The following ATG14 variants were observed in gnomAD, a reference collection of about 807,000 sequenced individuals.
The protein encoded by ATG14 is beclin 1-associated autophagy-related key regulator.
Under a neutral mutation model 60.4 loss-of-function variants are expected in ATG14, and 35 were observed. The observed-to-expected ratio is 0.58, with a 90% CI of 0.44 to 0.77. ATG14 has a LOEUF of 0.77. Ranked by LOEUF, ATG14 falls within the 30% of genes least tolerant of loss-of-function variation. ATG14 has a pLI of 0.00. For missense variants in ATG14, 647 were observed against 626.3 expected, an observed-to-expected ratio of 1.03 and a Z score of -0.35; for synonymous variants, 234 against 228.8, an observed-to-expected ratio of 1.02 and a Z score of -0.21.
At chr14:55,408,011 G>A (rs1247169018) in intron 1 of ATG14, among the ~76,000 whole-genome samples, 3 of 152,136 alleles carry the variant, frequency 2.0e-5, no homozygotes, top group Non-Finnish European at 2.9e-5. Flanking sequence ...TGAAAAAGAG[G>A]GAGCACAAGG....
In ATG14 at chr14:55,394,522, GC is replaced by G. The variant is rs1250608551; in HGVS notation, c.327+1417del. Among the ~76,000 whole-genome samples, 3 of 152,220 alleles carry G rather than the reference GC, an allele frequency of 2.0e-5. No individual in the cohort carries two copies. The East Asian group carries it at 5.8e-4, about 29-fold the overall frequency. On this transcript the variant is annotated intron_variant, in intron 3 of 9. Coordinates refer to ENST00000247178, the MANE Select transcript of ATG14 (RefSeq NM_014924.5). ...TACCACTATCTTCACACATTGATAA[GC>G]TGTTACGCATGTCCCACCAATTCAC...
intron 3 of ATG14, among the ~76,000 whole-genome samples, chr14:55,393,109 C>T (rs147773101): frequency 0.014 from 2,098 of 152,248 alleles, 24 homozygotes; most frequent in Middle Eastern, 0.031. Flanking sequence ...TGACTGGGCG[C>T]GGTGGCTCAC....
intron 9 of ATG14, among the ~76,000 whole-genome samples, 163 bp downstream of exon 9, chr14:55,377,656 G>A (rs1293454937): frequency 6.6e-6 from 1 of 152,086 alleles, no homozygotes; most frequent in African/African-American, 2.4e-5. Context: ...ACCCATAAAA[G>A]TTCAAATATA....
At chr14:55,402,129 A>T (rs1248111366) in intron 1 of ATG14, among the ~76,000 whole-genome samples, 4 of 152,142 alleles carry the variant, frequency 2.6e-5, no homozygotes, top group Non-Finnish European at 5.9e-5. Context: ...CAGACTATTA[A>T]TTCTGTGCTA....
rs1239124788 is a variant in ATG14 at position 55,369,480 on chromosome 14, G to C, written c.*139C>G. On this transcript the variant is annotated 3_prime_UTR_variant, in exon 10 of 10. Transcript: ENST00000247178. ...GGCAAATAGAAATGTTTGTCTCCCT[G>C]CTTAAAAAGACAAAACAAAACAACA... 1.2e-6 allele frequency: 1 copy of C among 836,184 alleles called. No homozygotes were observed. Among genetic ancestry groups the C allele is most frequent in the Non-Finnish European group, 1.7e-6 (1 of 579,016 alleles). 51.8% of individuals were successfully genotyped at this position (836,184 alleles called of 1,614,324 possible). A position where few individuals can be genotyped will look rare whatever the true frequency, so the allele number is the denominator to read the frequency against.
chr14:55,382,178 C>G lies in ATG14; in HGVS notation c.661G>C (p.Val221Leu). 6.2e-7 allele frequency: 1 copy of G among 1,614,170 alleles called. No homozygotes were observed. Among genetic ancestry groups the G allele is most frequent in the Non-Finnish European group, 8.5e-7 (1 of 1,180,012 alleles). ...VKTGVRDPAD[V>L]SSESDSAMTS... ...ATGGCACTGTCACTCTCTGAAGACACATCTGCGGGGTCTCTACAAGTAGGA... is the reference window on the plus strand; with the variant it reads ...ATGGCACTGTCACTCTCTGAAGACAGATCTGCGGGGTCTCTACAAGTAGGA... The change falls in exon 6 of 10, where the codon GTG becomes CTG. Residue 221 changes from valine to leucine, a missense_variant. Val to Leu is a conservative substitution (Grantham distance 32, BLOSUM62 1). Coordinates refer to ENST00000247178, the MANE Select transcript of ATG14 (RefSeq NM_014924.5).
chr14:55,385,892 A>G lies in ATG14; in HGVS notation c.614T>C (p.Ile205Thr). The G allele has an allele frequency of 6.2e-7, 1 of 1,612,448 alleles. No individual in the cohort carries two copies. The highest frequency in any genetic ancestry group is 8.5e-7 in the Non-Finnish European group (1 of 1,178,942). Residue 205 changes from isoleucine (I) to threonine (T), a missense_variant, in exon 5 of 10, where the codon ATT (isoleucine) becomes ACT (threonine). Transcript: ENST00000247178. ...RSHILELTSV[I>T]FPIEEVKTGV... Reference sequence around the variant, plus strand: ...CGTCTTTACTTCCTCGATTGGAAAAATGACAGAGGTGAGCTCTAATATATG... The same window carrying G: ...CGTCTTTACTTCCTCGATTGGAAAAGTGACAGAGGTGAGCTCTAATATATG...
chr14:55,382,249 A>G lies in ATG14; in HGVS notation c.648-58T>C, dbSNP rs1284093677. 4.7e-6 allele frequency: 7 copies of G among 1,490,746 alleles called. No homozygotes were observed. In the East Asian group the frequency reaches 1.4e-4, roughly 29 times the overall value. 92.3% of individuals were successfully genotyped at this position (1,490,746 alleles called of 1,614,324 possible). On this transcript the variant is annotated intron_variant, in intron 5 of 9. Coordinates refer to ENST00000247178, the MANE Select transcript of ATG14 (RefSeq NM_014924.5). ...GAGAGAGGGTTTTTAAGGGCATGCA[A>G]TATAACTGCAAGACATGCTAGAACA...
Position 55,377,965 on chromosome 14 carries a change from C to G in ATG14, c.1086+19G>C, listed in dbSNP as rs1265249803. The G allele has an allele frequency of 8.8e-6, 14 of 1,598,014 alleles. No homozygotes were observed. The highest frequency in any genetic ancestry group is 1.2e-5 in the Non-Finnish European group (14 of 1,170,150). On this transcript the variant is annotated intron_variant, in intron 8 of 9. Transcript: ENST00000247178. Reference sequence around the variant, plus strand: ...CTATTTAACAAAGTAAAAATTAGTTCACAACCTATTTTTCATACCTGAGAA... The same window carrying G: ...CTATTTAACAAAGTAAAAATTAGTTGACAACCTATTTTTCATACCTGAGAA...
Position 55,391,002 on chromosome 14 carries a change from G to T in ATG14, c.328-10C>A. 6.3e-7 allele frequency: 1 copy of T among 1,591,708 alleles called. No individual in the cohort carries two copies. The highest frequency in any genetic ancestry group is 8.6e-7 in the Non-Finnish European group (1 of 1,164,224). On this transcript the variant is annotated splice_polypyrimidine_tract_variant and intron_variant, in intron 3 of 9. Coordinates refer to ENST00000247178, the MANE Select transcript of ATG14 (RefSeq NM_014924.5). ...ACATTATTTTCCATCTCTGAAAAAA[G>T]CATGTAATAAATATCACAAACGTTG...
At chr14:55,392,743 A>G (rs187722111) in intron 3 of ATG14, among the ~76,000 whole-genome samples, 2 of 152,316 alleles carry the variant, frequency 1.3e-5, no homozygotes, top group East Asian at 1.9e-4. Context: ...AAAGCTTAAA[A>G]CAATGCTCAA....
chr14:55,395,209 T>G, intron 3 of ATG14: 1 of 398,230 alleles, frequency 2.5e-6, no homozygotes. Context: ...GCCCATTCAG[T>G]GGAGCTGACC....
chr14:55,406,220 ATGAAACC>A, intron 1 of ATG14, among the ~76,000 whole-genome samples: 1 of 152,250 alleles, frequency 6.6e-6, no homozygotes, highest in Non-Finnish European at 1.5e-5. Flanking sequence ...TAGTCTGTTA[ATGAAACC>A]TGAAAAAAAT....
At chr14:55,378,234 A>C (rs185750842) in intron 7 of ATG14, among the ~76,000 whole-genome samples, 160 bp from the exon 8 acceptor site, 14 of 152,380 alleles carry the variant, frequency 9.2e-5, no homozygotes, top group Admixed American at 9.1e-4. Context: ...CATTCCCCTC[A>C]GAGAACAATT....
chr14:55,387,810 A>G (rs1393466159), intron 4 of ATG14, among the ~76,000 whole-genome samples: 4 of 151,986 alleles, frequency 2.6e-5, no homozygotes, highest in African/African-American at 9.7e-5. Flanking sequence ...CTAGGATTAC[A>G]GGCACACACC....
At position 55,385,997 on chromosome 14, in the gene ATG14, C is replaced by T. The variant is rs775421917; in HGVS notation, c.509G>A (p.Arg170His). The T allele has an allele frequency of 1.8e-5, 29 of 1,614,086 alleles. No individual in the cohort carries two copies. Among genetic ancestry groups the T allele is most frequent in the Admixed American group, 6.7e-5 (4 of 60,008 alleles). ...TTTTTCTACCAGGTCACCAAGTTTG[C>T]GATTATGCCTCTGAATCTTCTCCTT... is the stretch of plus-strand genomic sequence containing the variant. ...EKKEKIQRHNRKLGDLVEKKT... is the reference protein window; with the variant it reads ...EKKEKIQRHNHKLGDLVEKKT... Residue 170 changes from arginine (R) to histidine (H), a missense_variant, in exon 5 of 10, where the codon CGC (arginine) becomes CAC (histidine). Physicochemically the swap from Arg to His is conservative, Grantham distance 29 (BLOSUM62 0). Transcript: ENST00000247178.
intron 1 of ATG14, among the ~76,000 whole-genome samples, chr14:55,406,102 TG>T (rs1191470165): frequency 6.6e-6 from 1 of 152,244 alleles, no homozygotes; most frequent in Non-Finnish European, 1.5e-5. Flanking sequence ...TAAAGACACA[TG>T]GTTCCCTTCT....
chr14:55,394,558 G>A (rs1299067480), intron 3 of ATG14, among the ~76,000 whole-genome samples: 1 of 152,104 alleles, frequency 6.6e-6, no homozygotes, highest in Non-Finnish European at 1.5e-5. Context: ...CAACTGAATA[G>A]CATGTACACT....
Position 55,377,898 on chromosome 14 carries a change from T to A in ATG14, c.1093A>T (p.Asn365Tyr). The change falls in exon 9 of 10, where the codon AAT becomes TAT. Residue 365 changes from asparagine (N) to tyrosine (Y), a missense_variant. By Grantham distance (143) the Asn-to-Tyr change is moderately radical. Transcript: ENST00000247178. Reference sequence around the variant, plus strand: ...TGCAGTGGTTGTAATTGATCTAAATTTACATGCTAAAAAAAATTAAAGAAT... The same window carrying A: ...TGCAGTGGTTGTAATTGATCTAAATATACATGCTAAAAAAAATTAAAGAAT... Reference protein sequence around the residue: ...ILYLCFSQHVNLDQLQPLHTL... With the variant: ...ILYLCFSQHVYLDQLQPLHTL... 6.2e-7 allele frequency: 1 copy of A among 1,604,678 alleles called. No homozygotes were observed. Among genetic ancestry groups the A allele is most frequent in the Non-Finnish European group, 8.5e-7 (1 of 1,176,472 alleles).
Sources: gnomAD v4.1 joint callset for allele counts (sites outside exome capture counted in the v4.1 genomes callset) on GRCh38, gnomAD v4.1.1 for gene constraint, MANE v1.5 for transcripts, NCBI Gene and HGNC (gene_info 2026-07-23, HGNC 2026-07-21) for gene names.